Variants in RSPH10B2 observed in about 807,000 individuals in gnomAD.
The protein encoded by RSPH10B2 is radial spoke head 10 homolog B2.
RSPH10B2 carries 9 observed loss-of-function variants against 49.0 expected under a neutral mutation model. The ratio of observed to expected loss-of-function variants is 0.18; its 90% CI spans 0.11 to 0.32. The LOEUF is 0.32. RSPH10B2 is among the 10% of genes least tolerant of loss of function. RSPH10B2 has a pLI of 1.00. For synonymous variants in RSPH10B2, 35 were observed against 210.2 expected, an observed-to-expected ratio of 0.17 and a Z score of 7.21; for missense variants, 95 against 589.9, an observed-to-expected ratio of 0.16 and a Z score of 8.69.
At chr7:6,791,026 GCT>G in intron 16 of RSPH10B2, among the ~76,000 whole-genome samples, 2 of 126,644 alleles carry the variant, frequency 1.6e-5, no homozygotes. Context: ...ACAGAGTCTC[GCT>G]CTGTCGCCCA....
intron 11 of RSPH10B2, 131 bp from the exon 14 acceptor site, chr7:6,780,678 T>A: frequency 1.8e-6 from 2 of 1,094,890 alleles, no homozygotes. Context: ...AGCCACTGAC[T>A]TTGCCTTCCC....
intron 18 of RSPH10B2, among the ~76,000 whole-genome samples, chr7:6,797,353 T>TG (rs1782622321): frequency 6.6e-6 from 1 of 150,528 alleles, no homozygotes; most frequent in African/African-American, 2.4e-5. Context: ...GTGGACTCTT[T>TG]GGGGTAATGA....
chr7:6,794,384 TCA>T (rs2115084017), intron 17 of RSPH10B2: 1 of 150,322 alleles, frequency 6.7e-6, no homozygotes, highest in Admixed American at 6.6e-5. Context: ...GAAATACTCT[TCA>T]CAGAGATTCG....
At chr7:6,797,315 T>C (rs1167644437) in intron 18 of RSPH10B2, among the ~76,000 whole-genome samples, 1 of 148,710 alleles carries the variant, frequency 6.7e-6, no homozygotes, top group Non-Finnish European at 1.5e-5. Context: ...AGCTATTTTC[T>C]ATTTCTTGAC....
rs1471555055 is a variant in RSPH10B2 at position 6,796,478 on chromosome 7, C to A, written c.2234-90C>A. 2 of 805,894 alleles carry A rather than the reference C, an allele frequency of 2.5e-6. 1 individual carries two copies. Among genetic ancestry groups the A allele is most frequent in the Non-Finnish European group, 3.5e-6 (2 of 575,350 alleles). The allele number at this position is 805,894 out of a possible 1,614,324, so 49.9% of individuals were successfully genotyped here. ...CCTGGCCGAGGAGAAGGGGGCCCAC[C>A]CCAGGGAGGCTAGAACGAGAAAAAG... On this transcript the variant is annotated intron_variant, in intron 17 of 18. Transcript: ENST00000297186.
At chr7:6,756,187 A>T (rs1368995668), upstream of RSPH10B2, among the ~76,000 whole-genome samples, 1 of 142,546 alleles carries the variant, frequency 7.0e-6, no homozygotes, top group Non-Finnish European at 1.5e-5. Flanking sequence ...GGAGAATGGC[A>T]TGAACCCGGG....
intron 11 of RSPH10B2, among the ~76,000 whole-genome samples, chr7:6,779,952 C>T (rs1340201997): frequency 1.5e-5 from 2 of 130,312 alleles, no homozygotes; most frequent in African/African-American, 5.7e-5. Context: ...AGATGACAGG[C>T]ATGTGCCACC....
At chr7:6,764,755 T>C (rs1336721521) in intron 4 of RSPH10B2, among the ~76,000 whole-genome samples, 2 of 150,746 alleles carry the variant, frequency 1.3e-5, no homozygotes, top group Non-Finnish European at 1.5e-5. Flanking sequence ...AGCAGATTGC[T>C]TGAGACATAT....
Position 6,781,200 on chromosome 7 carries a change from T to G in RSPH10B2, c.1610-128T>G, listed in dbSNP as rs1018490564. Reference sequence around the variant, plus strand: ...TTGCAGCGAGCCAAGATGGTGCCACTGCACTCTAGCCTGGGTGACATCAAG... The same window carrying G: ...TTGCAGCGAGCCAAGATGGTGCCACGGCACTCTAGCCTGGGTGACATCAAG... On this transcript the variant is annotated intron_variant, in intron 12 of 18. Coordinates refer to ENST00000297186, the Ensembl canonical transcript of RSPH10B2. 5.6e-6 allele frequency: 5 copies of G among 894,030 alleles called. 1 individual carries two copies. The African/African-American group carries it at 1.1e-4, about 19-fold the overall frequency. 55.4% of individuals were successfully genotyped at this position (894,030 alleles called of 1,614,324 possible). A position where few individuals can be genotyped will look rare whatever the true frequency, so the allele number is the denominator to read the frequency against.
intron 4 of RSPH10B2, among the ~76,000 whole-genome samples, chr7:6,764,699 T>G (rs1239402284): frequency 1.0e-4 from 15 of 149,158 alleles, no homozygotes; most frequent in East Asian, 5.9e-4. Flanking sequence ...TTGAGTTGTG[T>G]TGTTGTTGTT....
intron 18 of RSPH10B2, among the ~76,000 whole-genome samples, chr7:6,798,070 C>T (rs1341462322): frequency 1.7e-5 from 1 of 59,544 alleles, no homozygotes; most frequent in African/African-American, 9.0e-5. Context: ...ACTCGGGAGG[C>T]GGAAGTTACA....
chr7:6,779,869 A>G lies in RSPH10B2; in HGVS notation c.1529+145A>G, dbSNP rs1415866285. ...GTCGCCCAGGCTGGAGTGCAGTGGC[A>G]CAATCTTGGCTTACTGCAACCTCTG... is the stretch of plus-strand genomic sequence containing the variant. On this transcript the variant is annotated intron_variant, in intron 11 of 18. Transcript: ENST00000297186. 3.8e-5 allele frequency: 16 copies of G among 417,628 alleles called. 1 individual carries two copies. Among genetic ancestry groups the G allele is most frequent in the Non-Finnish European group, 5.0e-5 (12 of 241,142 alleles). The allele number at this position is 417,628 out of a possible 1,614,324, so 25.9% of individuals were successfully genotyped here.
At chr7:6,756,225 G>T (rs1466843074), upstream of RSPH10B2, among the ~76,000 whole-genome samples, 2 of 140,646 alleles carry the variant, frequency 1.4e-5, no homozygotes, top group Non-Finnish European at 3.0e-5. Flanking sequence ...AGCCAAGATC[G>T]CACCACCGCA....
Position 6,760,876 on chromosome 7 carries a change from C to CT in RSPH10B2, c.399+599dup, listed in dbSNP as rs1165641462. Among the ~76,000 whole-genome samples the CT allele has an allele frequency of 5.2e-3, 338 of 65,496 alleles. 36 individuals are homozygous for CT. Among genetic ancestry groups the CT allele is most frequent in the Non-Finnish European group, 7.8e-3 (270 of 34,760 alleles). 43.0% of individuals were successfully genotyped at this position (65,496 alleles called of 152,430 possible). On this transcript the variant is annotated intron_variant, in intron 3 of 18. Coordinates refer to ENST00000297186, the Ensembl canonical transcript of RSPH10B2. ...GCAGCACGCGGCTAATTTATTTTTACTTTTTTTTTTTTTTTTTGTAGAGAC... is the reference window on the plus strand; with the variant it reads ...GCAGCACGCGGCTAATTTATTTTTACTTTTTTTTTTTTTTTTTTGTAGAGAC...
chr7:6,786,177 G>GTTTT, intron 14 of RSPH10B2, 121 bp downstream of exon 16: 9 of 225,222 alleles, frequency 4.0e-5, no homozygotes, highest in Non-Finnish European at 6.2e-5. Context: ...TTTCACTGAT[G>GTTTT]CTTTTTTTTT....
intron 17 of RSPH10B2, chr7:6,794,410 CTCG>C (rs1160918745): frequency 4.7e-5 from 7 of 148,678 alleles, no homozygotes; most frequent in African/African-American, 1.7e-4. Flanking sequence ...TCTGTGACCC[CTCG>C]TCATCCTAGG....
At chr7:6,783,295 G>A (rs1782011837) in intron 13 of RSPH10B2, among the ~76,000 whole-genome samples, 1 of 116,550 alleles carries the variant, frequency 8.6e-6, no homozygotes. Flanking sequence ...CTCCCAAAGT[G>A]CTGGGATTAC....
intron 13 of RSPH10B2, among the ~76,000 whole-genome samples, chr7:6,783,615 T>C (rs954521726): frequency 7.0e-6 from 1 of 142,428 alleles, no homozygotes; most frequent in Admixed American, 7.1e-5. Flanking sequence ...TGGGACTACA[T>C]GTGTGTGCCA....
exon 6 of RSPH10B2, chr7:6,766,832 G>C: frequency 1.7e-6 from 1 of 603,936 alleles, no homozygotes; most frequent in South Asian, 3.2e-5. Context: ...TGAGGTGGCT[G>C]ACCACCAACG....
Sources: gnomAD v4.1 joint callset for allele counts (sites outside exome capture counted in the v4.1 genomes callset) on GRCh38, gnomAD v4.1.1 for gene constraint, MANE v1.5 for transcripts, NCBI Gene and HGNC (gene_info 2026-07-23, HGNC 2026-07-21) for gene names.